ZNF746: variants seen among roughly 807,000 people sequenced by gnomAD.
ZNF746 encodes parkin-interacting substrate.
ZNF746 carries 13 observed loss-of-function variants against 41.0 expected under a neutral mutation model. The ratio of observed to expected loss-of-function variants is 0.32; its 90% CI spans 0.21 to 0.50. The LOEUF (loss-of-function observed/expected upper bound fraction) is 0.50, where lower values mean the gene tolerates loss of function less well. Among genes scored for constraint, ZNF746 ranks in the 20% least tolerant of loss-of-function variants. The pLI, the probability that ZNF746 is intolerant of heterozygous loss-of-function variation, is 0.98. For synonymous variants in ZNF746, 424 were observed against 396.2 expected (o/e 1.07, Z -0.83); for missense variants, 811 against 922.9 (o/e 0.88, Z 1.57).
In ZNF746 at chr7:149,475,226, C is replaced by T; in HGVS notation, c.1141G>A (p.Glu381Lys). Residue 381 changes from glutamate to lysine, a missense_variant, in exon 7 of 7, where the codon GAG (glutamate) becomes AAG (lysine). Physicochemically the swap from Glu to Lys is moderately conservative, Grantham distance 56. This residue lies in a region of ZNF746 where 495 missense variants were observed against 481.6 expected (regional missense o/e 1.03). Coordinates refer to ENST00000458143, the MANE Select transcript of ZNF746 (RefSeq NM_001394198.1). ...MGELSPAVAQ[E>K]ETPPGDWLFG... ...AGCCAGTCCCCAGGAGGGGTCTCCT[C>T]CTGGGCCACAGCAGGACTGAGCTCA... 2 of 1,613,088 alleles carry T rather than the reference C, an allele frequency of 1.2e-6. No homozygotes were observed. Among genetic ancestry groups the T allele is most frequent in the Non-Finnish European group, 8.5e-7 (1 of 1,179,726 alleles).
intron 1 of ZNF746, among the ~76,000 whole-genome samples, chr7:149,496,571 C>T (rs1801003688): frequency 6.6e-6 from 1 of 152,190 alleles, no homozygotes; most frequent in Non-Finnish European, 1.5e-5. Context: ...CTTTCTGTGC[C>T]TGCACACGCC....
intron 1 of ZNF746, among the ~76,000 whole-genome samples, chr7:149,496,030 C>T (rs1368182101): frequency 6.6e-6 from 1 of 152,150 alleles, no homozygotes; most frequent in Non-Finnish European, 1.5e-5. Flanking sequence ...TCTCCTTTCT[C>T]AGATCAATCC....
chr7:149,488,453 C>T (rs971464691), intron 4 of ZNF746: 5 of 151,986 alleles, frequency 3.3e-5, no homozygotes, highest in African/African-American at 1.2e-4. Flanking sequence ...GACCTGCCAC[C>T]GACACGGAGA....
intron 4 of ZNF746, 109 bp from the exon 5 acceptor site, chr7:149,477,864 G>A (rs990154951): frequency 1.3e-5 from 12 of 896,658 alleles, no homozygotes; most frequent in Admixed American, 9.2e-5. Flanking sequence ...GGGTCCAACA[G>A]CAAAAGAGCC....
chr7:149,481,699 A>G (rs1437690594), intron 4 of ZNF746, among the ~76,000 whole-genome samples: 2 of 152,264 alleles, frequency 1.3e-5, no homozygotes, highest in African/African-American at 4.8e-5. Context: ...AGATTCCTCT[A>G]TAACAATAGA....
chr7:149,476,158 C>T (rs1295993477), intron 6 of ZNF746, among the ~76,000 whole-genome samples: 1 of 151,632 alleles, frequency 6.6e-6, no homozygotes, highest in African/African-American at 2.4e-5. Flanking sequence ...ACTAAAAATA[C>T]GAAAAATTAG....
At position 149,474,851 on chromosome 7, in the gene ZNF746, TGCCGCCACC is replaced by T. The variant is rs1800233939; in HGVS notation, c.1507_1515del (p.Gly503_Gly505del). On this transcript the variant is annotated inframe_deletion, in exon 7 of 7. Transcript: ENST00000458143. The surrounding 1 kb of genome is among the most constrained non-coding windows in gnomAD (Gnocchi z 6.3). ...CCGCCACCGCCGCCGCCACTGCCGC[TGCCGCCACC>T]GCCTGTGCCCGGGCCCGACCCGTCG... 1 of 1,430,558 alleles carries T rather than the reference TGCCGCCACC, an allele frequency of 7.0e-7. No homozygotes were observed. Among genetic ancestry groups the T allele is most frequent in the Admixed American group, 3.0e-5 (1 of 33,138 alleles). The allele number at this position is 1,430,558 out of a possible 1,614,324, so 88.6% of individuals were successfully genotyped here. A position where few individuals can be genotyped will look rare whatever the true frequency, so the allele number is the denominator to read the frequency against.
rs921327680 is a variant in ZNF746 at position 149,497,121 on chromosome 7, G to C, written c.24+392C>G. 1.0e-6 allele frequency: 1 copy of C among 985,356 alleles called. No individual in the cohort carries two copies. Among genetic ancestry groups the C allele is most frequent in the African/African-American group, 1.7e-5 (1 of 57,348 alleles). 61.0% of individuals were successfully genotyped at this position (985,356 alleles called of 1,614,324 possible). A position where few individuals can be genotyped will look rare whatever the true frequency, so the allele number is the denominator to read the frequency against. On this transcript the variant is annotated intron_variant, in intron 1 of 6. Coordinates refer to ENST00000458143, the MANE Select transcript of ZNF746 (RefSeq NM_001394198.1). The surrounding 1 kb of genome is among the most constrained non-coding windows in gnomAD (Gnocchi z 4.2). ...GGATTCGAAGCCGGACACCTCCCAG[G>C]TGCCACCAGGCCGCTGCGGGGGAGA...
rs765190335 is a variant in ZNF746, at chr7:149,491,933, G to A, written c.565+926C>T. 42 of 702,286 alleles carry A rather than the reference G, an allele frequency of 6.0e-5. No individual in the cohort carries two copies. The African/African-American group carries it at 6.1e-4, about 10-fold the overall frequency. 43.5% of individuals were successfully genotyped at this position (702,286 alleles called of 1,614,324 possible). A position where few individuals can be genotyped will look rare whatever the true frequency, so the allele number is the denominator to read the frequency against. ...TTTCAAAGGTGCTGACTGGCTCCAG[G>A]GAAATCTGAGACGCTGATATCTGGT... On this transcript the variant is annotated intron_variant, in intron 4 of 6. Coordinates refer to ENST00000458143, the MANE Select transcript of ZNF746 (RefSeq NM_001394198.1).
At chr7:149,496,022 TC>T (rs1278829856) in intron 1 of ZNF746, among the ~76,000 whole-genome samples, 44 of 152,176 alleles carry the variant, frequency 2.9e-4, no homozygotes, top group South Asian at 1.2e-3. Context: ...CCCTCACCTC[TC>T]CTTTCTCAGA....
intron 4 of ZNF746, chr7:149,491,895 TCCTTC>T: frequency 1.4e-6 from 1 of 701,510 alleles, no homozygotes; most frequent in South Asian, 1.5e-5. Flanking sequence ...TGTCCACCTG[TCCTTC>T]CCTTAACTTT....
At chr7:149,480,448 T>C (rs949715565) in intron 4 of ZNF746, among the ~76,000 whole-genome samples, 5 of 152,016 alleles carry the variant, frequency 3.3e-5, no homozygotes, top group African/African-American at 1.2e-4. Flanking sequence ...TGTTTGTTTG[T>C]TTGAGATGGA....
chr7:149,497,703 C>A lies in ZNF746; in HGVS notation c.-167G>T. 5.5e-6 allele frequency: 2 copies of A among 360,390 alleles called. No individual in the cohort carries two copies. The highest frequency in any genetic ancestry group is 7.8e-6 in the Non-Finnish European group (2 of 257,320). The allele number at this position is 360,390 out of a possible 1,614,324, so 22.3% of individuals were successfully genotyped here. On this transcript the variant is annotated 5_prime_UTR_variant, in exon 1 of 7. Transcript: ENST00000458143. This position sits in a 1 kb window ranked among gnomAD's most constrained non-coding sequence, Gnocchi z 4.2. ...CCCTGCGCCGCGCCGCCCGCAGTCG[C>A]GCCGCCTCCGTCAGCGCCCGGCCGG...
At chr7:149,495,029 A>T (rs1027188907) in intron 1 of ZNF746, among the ~76,000 whole-genome samples, 9 of 152,090 alleles carry the variant, frequency 5.9e-5, no homozygotes, top group African/African-American at 2.2e-4. Context: ...CACAAACAAG[A>T]GTATTGCTCA....
At chr7:149,477,146 A>G in intron 5 of ZNF746, 99 bp from the exon 6 acceptor site, 1 of 1,425,520 alleles carries the variant, frequency 7.0e-7, no homozygotes, top group South Asian at 1.4e-5. Context: ...AGGTCCCCCC[A>G]CTGGGGGCTT....
In ZNF746 at chr7:149,497,685, CCGCGCCGCCCGCAGT is replaced by C. The variant is rs950555811; in HGVS notation, c.-164_-150del. ...CCGCTCCTCGCTGGCTGCCCCTGCGCCGCGCCGCCCGCAGTCGCGCCGCCTCCGTCAGCGCCCGGC... is the reference window on the plus strand; with the variant it reads ...CCGCTCCTCGCTGGCTGCCCCTGCGCCGCGCCGCCTCCGTCAGCGCCCGGC... On this transcript the variant is annotated 5_prime_UTR_variant, in exon 1 of 7. Transcript: ENST00000458143. This position sits in a 1 kb window ranked among gnomAD's most constrained non-coding sequence, Gnocchi z 4.2. 2 of 504,258 alleles carry C rather than the reference CCGCGCCGCCCGCAGT, an allele frequency of 4.0e-6. No homozygotes were observed. Among genetic ancestry groups the C allele is most frequent in the Non-Finnish European group, 5.1e-6 (2 of 388,378 alleles). The allele number at this position is 504,258 out of a possible 1,614,324, so 31.2% of individuals were successfully genotyped here.
chr7:149,477,091 G>A (rs201047161), intron 5 of ZNF746, 44 bp from the exon 6 acceptor site: 72 of 1,574,972 alleles, frequency 4.6e-5, no homozygotes, highest in Admixed American at 1.1e-4. Flanking sequence ...GGGGACGGAC[G>A]GGGAGGACAG....
At position 149,497,544 on chromosome 7, in the gene ZNF746, C is replaced by T; in HGVS notation, c.-8G>A. ...CGCGACCGCCTCGGCCATGGCCCTG[C>T]GCTGTCCCGCCCGGCCCGGAGGAAG... On this transcript the variant is annotated 5_prime_UTR_variant, in exon 1 of 7. Coordinates refer to ENST00000458143, the MANE Select transcript of ZNF746 (RefSeq NM_001394198.1). This position sits in a 1 kb window ranked among gnomAD's most constrained non-coding sequence, Gnocchi z 4.2. 1 of 1,079,350 alleles carries T rather than the reference C, an allele frequency of 9.3e-7. No homozygotes were observed. Among genetic ancestry groups the T allele is most frequent in the East Asian group, 7.1e-5 (1 of 14,090 alleles). The allele number at this position is 1,079,350 out of a possible 1,614,324, so 66.9% of individuals were successfully genotyped here.
chr7:149,474,882 G>A lies in ZNF746; in HGVS notation c.1485C>T (p.Asp495=), dbSNP rs1800236019. 11 of 1,516,114 alleles carry A rather than the reference G, an allele frequency of 7.3e-6. No individual in the cohort carries two copies. The East Asian group carries it at 1.3e-4, about 18-fold the overall frequency. The allele number at this position is 1,516,114 out of a possible 1,614,324, so 93.9% of individuals were successfully genotyped here. Residue 495 remains aspartate, a synonymous_variant, in exon 7 of 7, where the codon GAC becomes GAT. Coordinates refer to ENST00000458143, the MANE Select transcript of ZNF746 (RefSeq NM_001394198.1). The surrounding 1 kb of genome is among the most constrained non-coding windows in gnomAD (Gnocchi z 6.3). ...SAHQRSCGAP[D]GSGPGTGGGG... is the part of the protein sequence containing the mutation. ...CACCGCCTGTGCCCGGGCCCGACCC[G>A]TCGGGCGCCCCACAGCTGCGCTGGT...
Sources: allele counts gnomAD v4.1 joint callset (sites outside exome capture counted in the v4.1 genomes callset), GRCh38; gene constraint gnomAD v4.1.1; regional missense constraint gnomAD v4.1.1; non-coding constraint Gnocchi (gnomAD v3.1); transcripts MANE v1.5; gene names NCBI Gene and HGNC (gene_info 2026-07-23, HGNC 2026-07-21).